The following RAD51B variants were observed in gnomAD, a reference collection of about 807,000 sequenced individuals.
The protein encoded by RAD51B is RAD51 paralog B.
Under a neutral mutation model 42.2 loss-of-function variants are expected in RAD51B, and 38 were observed. That is an observed-to-expected ratio of 0.90 (90% CI 0.70 to 1.18). The LOEUF (loss-of-function observed/expected upper bound fraction) is 1.18, where lower values mean the gene tolerates loss of function less well. Among genes scored for constraint, RAD51B ranks in the 50% most tolerant of loss-of-function variants. RAD51B has a pLI of 0.00. For missense variants in RAD51B, 373 were observed against 400.7 expected, an observed-to-expected ratio of 0.93 and a Z score of 0.59; for synonymous variants, 154 against 145.2, an observed-to-expected ratio of 1.06 and a Z score of -0.43.
At chr14:68,102,635 C>T (rs1360271638) in intron 7 of RAD51B, among the ~76,000 whole-genome samples, 1 of 152,172 alleles carries the variant, frequency 6.6e-6, no homozygotes, top group Non-Finnish European at 1.5e-5. Context: ...CCACATCTTC[C>T]TGTCTTCTGA....
chr14:68,386,052 C>T (rs1007811340), intron 8 of RAD51B, among the ~76,000 whole-genome samples: 1 of 152,158 alleles, frequency 6.6e-6, no homozygotes, highest in Non-Finnish European at 1.5e-5. Context: ...CTCTATTTCC[C>T]GTCTTCTTTC....
At chr14:68,427,314 A>G (rs971590323) in intron 9 of RAD51B, among the ~76,000 whole-genome samples, 3 of 152,200 alleles carry the variant, frequency 2.0e-5, no homozygotes, top group Non-Finnish European at 1.5e-5. Context: ...CTGCAGAGCA[A>G]CCAATGTGCA....
rs76503124 is a variant in RAD51B at position 68,271,622 on chromosome 14, T to C, written c.757-20262T>C. ...CAGTTATGGCTCTCCCATTACCTTA[T>C]ACAATTTTTAGAAGCCCTCTAAGCT... On this transcript the variant is annotated intron_variant, in intron 7 of 10. Transcript: ENST00000471583. Among the ~76,000 whole-genome samples, 1,448 of 152,286 alleles carry C rather than the reference T, an allele frequency of 9.5e-3. 27 individuals carry two copies. The highest frequency in any genetic ancestry group is 0.057 in the East Asian group (295 of 5,190).
At chr14:68,597,479 G>T (rs79720764), downstream of RAD51B, among the ~76,000 whole-genome samples, 1 of 152,172 alleles carries the variant, frequency 6.6e-6, no homozygotes, top group African/African-American at 2.4e-5. Context: ...GAACAAGATC[G>T]TGTCTCTTGT....
chr14:68,117,118 C>T (rs1050096936), intron 7 of RAD51B, among the ~76,000 whole-genome samples: 3 of 152,100 alleles, frequency 2.0e-5, no homozygotes, highest in South Asian at 2.1e-4. Context: ...TATCATAGAG[C>T]GTGCTCCTGC....
Position 68,678,657 on chromosome 14 carries a change from T to A in RAD51B, c.*11+27801T>A, listed in dbSNP as rs79174741. Reference sequence around the variant, plus strand: ...GGCCTCAGCTTTTCATGGGGATGGGTCTTGTTCCAAGGCAGAGAGTGCTGG... The same window carrying A: ...GGCCTCAGCTTTTCATGGGGATGGGACTTGTTCCAAGGCAGAGAGTGCTGG... On this transcript the variant is annotated intron_variant, in intron 11 of 11. Transcript: ENST00000488612. 7.0e-3 allele frequency among the ~76,000 whole-genome samples: 1,068 copies of A among 152,010 alleles called. 4 individuals carry two copies. Among genetic ancestry groups the A allele is most frequent in the Admixed American group, 0.013 (197 of 15,284 alleles).
chr14:67,851,449 G>C (rs1402290735), intron 4 of RAD51B, among the ~76,000 whole-genome samples: 5 of 152,104 alleles, frequency 3.3e-5, no homozygotes, highest in African/African-American at 1.2e-4. Context: ...CTCATGTAGG[G>C]GTCGGCTATG....
chr14:67,986,887 A>G (rs1031348838), intron 7 of RAD51B, among the ~76,000 whole-genome samples: 1 of 152,110 alleles, frequency 6.6e-6, no homozygotes, highest in Non-Finnish European at 1.5e-5. Context: ...ACACACCACC[A>G]TGCCCAGCTA....
intron 7 of RAD51B, among the ~76,000 whole-genome samples, chr14:68,030,909 G>A (rs1392093106): frequency 6.6e-6 from 1 of 152,146 alleles, no homozygotes; most frequent in Non-Finnish European, 1.5e-5. Flanking sequence ...TGTGTCTCAA[G>A]GAATAGGAAG....
At chr14:68,371,918 T>A (rs766208730) in intron 8 of RAD51B, among the ~76,000 whole-genome samples, 6 of 152,050 alleles carry the variant, frequency 3.9e-5, no homozygotes, top group Non-Finnish European at 8.8e-5. Context: ...AATAAATGAG[T>A]CTGAGTCTAG....
chr14:68,173,770 A>G (rs567346151), intron 7 of RAD51B, among the ~76,000 whole-genome samples: 3 of 152,318 alleles, frequency 2.0e-5, no homozygotes, highest in Admixed American at 2.0e-4. Flanking sequence ...GCACAGATAA[A>G]TGTTTACTCA....
At chr14:68,392,612 G>A (rs534432537) in intron 8 of RAD51B, among the ~76,000 whole-genome samples, 70 of 152,304 alleles carry the variant, frequency 4.6e-4, no homozygotes, top group African/African-American at 1.6e-3. Flanking sequence ...TGAGGCCCAC[G>A]TGATCACAAG....
chr14:67,845,736 G>C (rs538050179), intron 4 of RAD51B, among the ~76,000 whole-genome samples: 1 of 151,802 alleles, frequency 6.6e-6, no homozygotes, highest in Non-Finnish European at 1.5e-5. Flanking sequence ...TAAGAATGTT[G>C]AATATAGTCC....
At chr14:68,152,104 A>C (rs1056509592) in intron 7 of RAD51B, among the ~76,000 whole-genome samples, 3 of 152,102 alleles carry the variant, frequency 2.0e-5, no homozygotes, top group African/African-American at 7.2e-5. Flanking sequence ...TTGGCCTCCC[A>C]AAGTGCTGGG....
chr14:68,027,239 A>G (rs893957819), intron 7 of RAD51B, among the ~76,000 whole-genome samples: 2 of 152,050 alleles, frequency 1.3e-5, no homozygotes, highest in African/African-American at 4.8e-5. Flanking sequence ...CTGTCTGTAC[A>G]TGACCTGACC....
At chr14:68,490,444 A>G (rs992970758) in intron 10 of RAD51B, among the ~76,000 whole-genome samples, 10 of 152,218 alleles carry the variant, frequency 6.6e-5, no homozygotes, top group African/African-American at 2.4e-4. Context: ...AAAGGCAGAA[A>G]CACTCCGATT....
intron 7 of RAD51B, among the ~76,000 whole-genome samples, chr14:67,968,203 C>T (rs567531491): frequency 2.6e-5 from 4 of 152,310 alleles, no homozygotes; most frequent in Admixed American, 6.5e-5. Flanking sequence ...GCCCTGGGCC[C>T]AGCCCATGAA....
At chr14:68,137,208 G>A (rs990577337) in intron 7 of RAD51B, among the ~76,000 whole-genome samples, 8 of 152,134 alleles carry the variant, frequency 5.3e-5, no homozygotes, top group Non-Finnish European at 1.0e-4. Context: ...CCCGGGAGGC[G>A]GAGGTTGCAG....
chr14:68,301,789 G>A (rs894697705), intron 8 of RAD51B, among the ~76,000 whole-genome samples: 1 of 151,920 alleles, frequency 6.6e-6, no homozygotes, highest in African/African-American at 2.4e-5. Context: ...AGTGGAGATG[G>A]GGTTTTGCCA....
Sources: gnomAD v4.1 joint callset for allele counts (sites outside exome capture counted in the v4.1 genomes callset) on GRCh38, gnomAD v4.1.1 for gene constraint, MANE v1.5 for transcripts, NCBI Gene and HGNC (gene_info 2026-07-23, HGNC 2026-07-21) for gene names.